The following HSD17B12 variants were observed in gnomAD, a reference collection of about 807,000 sequenced individuals.
HSD17B12 encodes very-long-chain 3-oxoacyl-CoA reductase.
Under a neutral mutation model 39.3 loss-of-function variants are expected in HSD17B12, and 32 were observed. The observed-to-expected ratio is 0.81, with a 90% CI of 0.61 to 1.09. The LOEUF is 1.09. Ranked by LOEUF, HSD17B12 falls within the 50% of genes least tolerant of loss-of-function variation. The pLI is 0.00. For synonymous variants in HSD17B12, 150 were observed against 146.7 expected (o/e 1.02, Z -0.16); for missense variants, 342 against 382.9 (o/e 0.89, Z 0.89).
chr11:43,824,101 T>TAG (rs1393215930), intron 6 of HSD17B12, among the ~76,000 whole-genome samples: 1 of 152,146 alleles, frequency 6.6e-6, no homozygotes, highest in African/African-American at 2.4e-5. Context: ...CAGACCTGAA[T>TAG]TACTACATGG....
chr11:43,718,798 C>A, intron 1 of HSD17B12: 2 of 952,848 alleles, frequency 2.1e-6, no homozygotes, highest in Non-Finnish European at 3.4e-6. Context: ...AGAAGACCCG[C>A]ACGTCACCCG....
chr11:43,758,006 ATTTTC>A (rs1189844422), intron 3 of HSD17B12, among the ~76,000 whole-genome samples: 2 of 152,012 alleles, frequency 1.3e-5, no homozygotes, highest in African/African-American at 4.8e-5. Context: ...TAACGTTTCT[ATTTTC>A]TTAAGCCTTG....
intron 9 of HSD17B12, among the ~76,000 whole-genome samples, chr11:43,844,084 A>G (rs960789617): frequency 1.3e-5 from 2 of 152,066 alleles, no homozygotes; most frequent in African/African-American, 4.8e-5. Flanking sequence ...CTTTATCTGA[A>G]TGGCTTCTAG....
intron 1 of HSD17B12, among the ~76,000 whole-genome samples, chr11:43,708,542 TG>T (rs764582858): frequency 6.6e-6 from 1 of 152,234 alleles, no homozygotes; most frequent in Non-Finnish European, 1.5e-5. Context: ...ACCCCATTTT[TG>T]CTGAACATAT....
chr11:43,654,891 T>A, the HSD17B12 span, among the ~76,000 whole-genome samples: 1 of 152,206 alleles, frequency 6.6e-6, no homozygotes, highest in Non-Finnish European at 1.5e-5. Flanking sequence ...TCTTTTTTGG[T>A]TCCATATGAA....
At chr11:43,559,196 A>T in the HSD17B12 span, among the ~76,000 whole-genome samples, 1 of 152,152 alleles carries the variant, frequency 6.6e-6, no homozygotes, top group East Asian at 1.9e-4. Context: ...TGCTTAAGTC[A>T]ACAAGTATTT....
rs150159288 is a variant in HSD17B12 at position 43,686,579 on chromosome 11, C to T, written c.160+5592C>T. Among the ~76,000 whole-genome samples, 466 of 148,752 alleles carry T rather than the reference C, an allele frequency of 3.1e-3. 3 individuals carry two copies. The highest frequency in any genetic ancestry group is 0.011 in the African/African-American group (430 of 40,618). ...CCCTCACTCCCCTCCCGACTAGCCCCCATTGCTCCCACCCTGTTTTTTTTT... is the reference window on the plus strand; with the variant it reads ...CCCTCACTCCCCTCCCGACTAGCCCTCATTGCTCCCACCCTGTTTTTTTTT... On this transcript the variant is annotated intron_variant, in intron 1 of 10. Coordinates refer to ENST00000278353, the MANE Select transcript of HSD17B12 (RefSeq NM_016142.3).
At chr11:43,667,779 G>T in the HSD17B12 span, among the ~76,000 whole-genome samples, 1 of 152,248 alleles carries the variant, frequency 6.6e-6, no homozygotes, top group Non-Finnish European at 1.5e-5. Flanking sequence ...TCCACTTAAG[G>T]CATCATGTTG....
At chr11:43,644,318 G>T in the HSD17B12 span, 3 of 152,300 alleles carry the variant, frequency 2.0e-5, no homozygotes, top group Non-Finnish European at 4.4e-5. Context: ...TGTCGGTCCC[G>T]TTAGAAGGCC....
At chr11:43,770,020 C>T (rs541746705) in intron 3 of HSD17B12, among the ~76,000 whole-genome samples, 21 of 152,310 alleles carry the variant, frequency 1.4e-4, no homozygotes, top group Middle Eastern at 3.4e-3. Flanking sequence ...CTCTACGTGC[C>T]TAGCCCTCTA....
the HSD17B12 span, among the ~76,000 whole-genome samples, chr11:43,620,710 A>C: frequency 6.6e-6 from 1 of 152,236 alleles, no homozygotes; most frequent in Admixed American, 6.5e-5. Context: ...TAAATCAGGC[A>C]GGATGGATGA....
intron 3 of HSD17B12, among the ~76,000 whole-genome samples, chr11:43,756,474 C>T (rs1282668181): frequency 6.6e-6 from 1 of 152,084 alleles, no homozygotes; most frequent in Non-Finnish European, 1.5e-5. Flanking sequence ...AACATACTGC[C>T]TGGATCTTAG....
the HSD17B12 span, among the ~76,000 whole-genome samples, chr11:43,565,175 C>A: frequency 6.6e-6 from 1 of 152,198 alleles, no homozygotes; most frequent in Admixed American, 6.5e-5. Context: ...GCTGGGATTA[C>A]AGGCGTGAGC....
At chr11:43,777,346 GT>G in intron 3 of HSD17B12, among the ~76,000 whole-genome samples, 1 of 152,076 alleles carries the variant, frequency 6.6e-6, no homozygotes. Flanking sequence ...GGATTCCTAG[GT>G]ATTTTATTCT....
At chr11:43,845,226 C>G (rs7946394) in intron 9 of HSD17B12, among the ~76,000 whole-genome samples, 6 of 152,236 alleles carry the variant, frequency 3.9e-5, no homozygotes, top group African/African-American at 1.4e-4. Context: ...TCAAGTAATT[C>G]TCCCGCATTG....
At chr11:43,690,371 TA>T (rs1949843426) in intron 1 of HSD17B12, among the ~76,000 whole-genome samples, 4 of 13,860 alleles carry the variant, frequency 2.9e-4, no homozygotes, top group African/African-American at 4.2e-4. Flanking sequence ...CATATATATA[TA>T]TATATATATA....
At chr11:43,711,225 CA>C (rs895879358) in intron 1 of HSD17B12, among the ~76,000 whole-genome samples, 1 of 152,066 alleles carries the variant, frequency 6.6e-6, no homozygotes, top group Non-Finnish European at 1.5e-5. Context: ...TTTAATATTT[CA>C]AAAGAAAAGA....
At chr11:43,638,223 A>C in the HSD17B12 span, among the ~76,000 whole-genome samples, 3 of 152,134 alleles carry the variant, frequency 2.0e-5, no homozygotes, top group African/African-American at 7.2e-5. Flanking sequence ...CAACCCCCTC[A>C]TTTTACATTT....
rs12224420 is a variant in HSD17B12, at chr11:43,805,724, T to G, written c.391+7297T>G. Among the ~76,000 whole-genome samples, 408 of 152,270 alleles carry G rather than the reference T, an allele frequency of 2.7e-3. 8 individuals carry two copies. The East Asian group carries it at 0.039, about 15-fold the overall frequency. ...TTCCAAAACTTCCCTTTTGTAATAC[T>G]GCAATCACATTTTGTTGCTAACCAC... On this transcript the variant is annotated intron_variant, in intron 4 of 10. Transcript: ENST00000278353.
Sources: gnomAD v4.1 joint callset for allele counts (sites outside exome capture counted in the v4.1 genomes callset) on GRCh38, gnomAD v4.1.1 for gene constraint, MANE v1.5 for transcripts, NCBI Gene and HGNC (gene_info 2026-07-23, HGNC 2026-07-21) for gene names.